Variants in MAST2 observed in about 807,000 individuals in gnomAD.
MAST2 encodes microtubule-associated serine/threonine-protein kinase 2.
Under a neutral mutation model 147.4 loss-of-function variants are expected in MAST2, and 70 were observed. That is an observed-to-expected ratio of 0.47 (90% CI 0.39 to 0.58). MAST2 has a LOEUF of 0.58. Ranked by LOEUF, MAST2 falls within the 20% of genes least tolerant of loss-of-function variation. The pLI, the probability that MAST2 is intolerant of heterozygous loss-of-function variation, is 0.00. For missense variants in MAST2, 2,080 were observed against 2,302.3 expected, an observed-to-expected ratio of 0.90 and a Z score of 1.98; for synonymous variants, 869 against 896.8, an observed-to-expected ratio of 0.97 and a Z score of 0.55.
rs756589475 is a variant in MAST2, at chr1:46,028,794, G to A, written c.2079G>A (p.Ala693=). ...KQVCGTPEYI[A]PEVILRQGYG... The stretch of plus-strand genomic sequence containing the variant: ...TATGCGGGACCCCAGAATACATTGC[G>A]CCTGAGGTGATCCTGCGCCAGGGCT... Residue 693 remains alanine (A), a synonymous_variant, in exon 18 of 29, where the codon GCG becomes GCA. Coordinates refer to ENST00000361297, the MANE Select transcript of MAST2 (RefSeq NM_015112.3). 12 of 1,614,168 alleles carry A rather than the reference G, an allele frequency of 7.4e-6. No homozygotes were observed. The highest frequency in any genetic ancestry group is 2.2e-5 in the East Asian group (1 of 44,880).
intron 2 of MAST2, among the ~76,000 whole-genome samples, chr1:45,827,034 T>TGGCCAGAATGA: frequency 6.6e-6 from 1 of 152,158 alleles, no homozygotes; most frequent in African/African-American, 2.4e-5. Flanking sequence ...TTCACTATGT[T>TGGCCAGAATGA]GGCCAGAATG....
At chr1:45,867,860 A>G (rs1190845060) in intron 3 of MAST2, among the ~76,000 whole-genome samples, 1 of 152,208 alleles carries the variant, frequency 6.6e-6, no homozygotes, top group Non-Finnish European at 1.5e-5. Context: ...ACTCACAACA[A>G]TGAAGTCCAG....
chr1:45,962,262 T>C (rs1660533218), intron 5 of MAST2, among the ~76,000 whole-genome samples: 1 of 152,174 alleles, frequency 6.6e-6, no homozygotes. Flanking sequence ...GCAGCATGAT[T>C]TATAGTCCTT....
chr1:45,925,444 G>T (rs900642012), intron 4 of MAST2, among the ~76,000 whole-genome samples: 17 of 152,172 alleles, frequency 1.1e-4, no homozygotes, highest in African/African-American at 4.1e-4. Context: ...TGATTCCAGA[G>T]TATTGATTGG....
At chr1:45,955,201 A>G (rs983293715) in intron 4 of MAST2, among the ~76,000 whole-genome samples, 4 of 151,808 alleles carry the variant, frequency 2.6e-5, no homozygotes, top group African/African-American at 7.2e-5. Flanking sequence ...CATCATATAT[A>G]TATTGGGGAT....
chr1:45,880,650 C>G (rs1308009552), intron 3 of MAST2, among the ~76,000 whole-genome samples: 1 of 151,812 alleles, frequency 6.6e-6, no homozygotes, highest in African/African-American at 2.4e-5. Flanking sequence ...ATAAAATAAG[C>G]GAATTTTACA....
chr1:45,970,492 G>A (rs192776442), intron 5 of MAST2, among the ~76,000 whole-genome samples: 1 of 151,840 alleles, frequency 6.6e-6, no homozygotes, highest in Non-Finnish European at 1.5e-5. Flanking sequence ...GTGAAACCCT[G>A]TCTCTACTAA....
chr1:45,921,119 C>T (rs747217318), intron 4 of MAST2, among the ~76,000 whole-genome samples: 1 of 152,186 alleles, frequency 6.6e-6, no homozygotes, highest in Non-Finnish European at 1.5e-5. Context: ...CCTCAGCCTC[C>T]TGAGTAGCTA....
At chr1:45,891,779 A>C (rs1414443574) in intron 4 of MAST2, among the ~76,000 whole-genome samples, 1 of 152,102 alleles carries the variant, frequency 6.6e-6, no homozygotes, top group Non-Finnish European at 1.5e-5. Context: ...CAGAATATTA[A>C]TTTATCATAA....
intron 3 of MAST2, among the ~76,000 whole-genome samples, chr1:45,850,858 AAC>A (rs1645603402): frequency 7.0e-6 from 1 of 142,204 alleles, no homozygotes; most frequent in East Asian, 2.1e-4. Context: ...TTTTTTTTTA[AAC>A]ACTGTAGCCT....
At chr1:46,034,375 C>G in intron 28 of MAST2, 109 bp downstream of exon 28, 4 of 1,372,794 alleles carry the variant, frequency 2.9e-6, no homozygotes, top group Non-Finnish European at 3.9e-6. Context: ...TTAGCCCACC[C>G]CCTGAAAGAT....
At chr1:45,891,671 A>C (rs969378262) in intron 4 of MAST2, among the ~76,000 whole-genome samples, 1 of 151,488 alleles carries the variant, frequency 6.6e-6, no homozygotes, top group African/African-American at 2.4e-5. Context: ...TTTTTTTTAT[A>C]ATCTCCTACC....
intron 10 of MAST2, 30 bp from the exon 11 acceptor site, chr1:46,019,566 T>C (rs751594283): frequency 1.9e-6 from 3 of 1,586,758 alleles, no homozygotes; most frequent in Non-Finnish European, 2.6e-6. Flanking sequence ...ACTGGGCCAA[T>C]AGATTAAGCA....
At chr1:45,819,252 C>CAAAA (rs35652191) in intron 1 of MAST2, among the ~76,000 whole-genome samples, 1 of 112,836 alleles carries the variant, frequency 8.9e-6, no homozygotes. Flanking sequence ...AAGTCTGTCT[C>CAAAA]AAAAAAAAAA....
Position 46,019,771 on chromosome 1 carries a change from A to G in MAST2, c.1290+74A>G. 7.0e-6 allele frequency: 9 copies of G among 1,284,562 alleles called. No homozygotes were observed. In the South Asian group the frequency reaches 1.1e-4, roughly 15 times the overall value. The allele number at this position is 1,284,562 out of a possible 1,614,324, so 79.6% of individuals were successfully genotyped here. A position where few individuals can be genotyped will look rare whatever the true frequency, so the allele number is the denominator to read the frequency against. On this transcript the variant is annotated intron_variant, in intron 11 of 28. Coordinates refer to ENST00000361297, the MANE Select transcript of MAST2 (RefSeq NM_015112.3). ...TAGAGGAAGTATCCTGATGACAGCAAAACTGTGGTGGTAACCACTGCCATT... is the reference window on the plus strand; with the variant it reads ...TAGAGGAAGTATCCTGATGACAGCAGAACTGTGGTGGTAACCACTGCCATT...
chr1:45,966,440 A>C (rs1016299346), intron 5 of MAST2, among the ~76,000 whole-genome samples: 4 of 152,148 alleles, frequency 2.6e-5, no homozygotes, highest in African/African-American at 9.7e-5. Flanking sequence ...AAAAAAAAAA[A>C]AACTCTTCAA....
chr1:46,001,106 T>C, intron 6 of MAST2: 1 of 724,482 alleles, frequency 1.4e-6, no homozygotes, highest in Non-Finnish European at 2.1e-6. Flanking sequence ...GGTATGAACA[T>C]TGGGCCTTTC....
At chr1:45,865,750 A>G (rs147988529) in intron 3 of MAST2, among the ~76,000 whole-genome samples, 59 of 152,344 alleles carry the variant, frequency 3.9e-4, no homozygotes, top group African/African-American at 1.3e-3. Context: ...GCAACCTTCA[A>G]CTGAGTTTTA....
chr1:45,951,910 T>G (rs1247065286), intron 4 of MAST2, among the ~76,000 whole-genome samples: 3 of 152,118 alleles, frequency 2.0e-5, no homozygotes, highest in Admixed American at 6.5e-5. Flanking sequence ...CAGAACTGAT[T>G]AGAAACAAAC....
Sources: allele counts gnomAD v4.1 joint callset (sites outside exome capture counted in the v4.1 genomes callset), GRCh38; gene constraint gnomAD v4.1.1; transcripts MANE v1.5; gene names NCBI Gene and HGNC (gene_info 2026-07-23, HGNC 2026-07-21).